Variants in CLMN observed in about 807,000 individuals in gnomAD.
CLMN encodes calmin, also known as calmin (calponin-like, transmembrane).
In CLMN, 57 loss-of-function variants were observed where a neutral mutation model predicts 92.7. The observed-to-expected ratio is 0.61, with a 90% CI of 0.50 to 0.77. The LOEUF (loss-of-function observed/expected upper bound fraction) is 0.77, where lower values mean the gene tolerates loss of function less well. CLMN is among the 30% of genes least tolerant of loss of function. The probability of loss-of-function intolerance (pLI) is 0.00; values close to 1 mark genes in which losing one functional copy is unlikely to be tolerated. For synonymous variants in CLMN, 466 were observed against 470.6 expected (o/e 0.99, Z 0.13); for missense variants, 1,158 against 1,237.5 (o/e 0.94, Z 0.96).
intron 9 of CLMN, among the ~76,000 whole-genome samples, chr14:95,197,813 A>C (rs531468680): frequency 6.6e-6 from 1 of 152,302 alleles, no homozygotes; most frequent in East Asian, 1.9e-4. Context: ...GAATAAGAGC[A>C]TTAGAGCGGC....
chr14:95,277,150 G>C (rs983362055), intron 1 of CLMN, among the ~76,000 whole-genome samples: 1 of 152,178 alleles, frequency 6.6e-6, no homozygotes, highest in Non-Finnish European at 1.5e-5. Flanking sequence ...GCAAAGTTTT[G>C]ATTAATGGGA....
chr14:95,196,365 T>C (rs1017613109), intron 10 of CLMN, 133 bp downstream of exon 10: 6 of 867,298 alleles, frequency 6.9e-6, no homozygotes, highest in African/African-American at 6.9e-5. Flanking sequence ...AGAATGAGGA[T>C]TGTGTATGAA....
At chr14:95,193,624 G>C (rs891754267) in intron 12 of CLMN, among the ~76,000 whole-genome samples, 4 of 152,146 alleles carry the variant, frequency 2.6e-5, no homozygotes. Context: ...ACTCATTTTC[G>C]GAACCGGGCC....
intron 9 of CLMN, 108 bp from the exon 10 acceptor site, chr14:95,196,802 A>G: frequency 9.7e-7 from 1 of 1,026,368 alleles, no homozygotes; most frequent in Non-Finnish European, 1.4e-6. Flanking sequence ...CGTCCCTTCC[A>G]ATTCTGCCTG....
At position 95,258,501 on chromosome 14, in the gene CLMN, A is replaced by T. The variant is rs374180045; in HGVS notation, c.83-28368T>A. ...ATATGCATCTGTGGTGTGTGTGTTG[A>T]GGGTGTGTATGTGTGGTGTGTGATG... On this transcript the variant is annotated intron_variant, in intron 1 of 12. Transcript: ENST00000298912. 5.1e-4 allele frequency among the ~76,000 whole-genome samples: 50 copies of T among 98,814 alleles called. 1 individual carries two copies. In the East Asian group the frequency reaches 5.7e-3, roughly 11 times the overall value. 64.8% of individuals were successfully genotyped at this position (98,814 alleles called of 152,430 possible).
intron 1 of CLMN, among the ~76,000 whole-genome samples, chr14:95,296,994 C>T (rs562551507): frequency 4.6e-5 from 7 of 152,218 alleles, no homozygotes; most frequent in African/African-American, 1.7e-4. Context: ...AGGAAGCAAA[C>T]GAATGCCAGC....
At chr14:95,245,218 ATATATAT>A (rs1898461513) in intron 1 of CLMN, among the ~76,000 whole-genome samples, 10 of 29,490 alleles carry the variant, frequency 3.4e-4, no homozygotes, top group African/African-American at 2.1e-3. Context: ...TTATATATAT[ATATATAT>A]TATATATATA....
At chr14:95,220,934 G>A (rs1897518404) in intron 4 of CLMN, among the ~76,000 whole-genome samples, 1 of 152,230 alleles carries the variant, frequency 6.6e-6, no homozygotes, top group South Asian at 2.1e-4. Context: ...TTCTGTCCCT[G>A]ATTCGCTGGT....
chr14:95,252,877 G>C (rs961928909), intron 1 of CLMN, among the ~76,000 whole-genome samples: 2 of 152,198 alleles, frequency 1.3e-5, no homozygotes, highest in African/African-American at 2.4e-5. Flanking sequence ...GGGGAGCTTT[G>C]CATCGGGAAC....
chr14:95,247,035 G>A (rs988454009), intron 1 of CLMN, among the ~76,000 whole-genome samples: 2 of 152,182 alleles, frequency 1.3e-5, no homozygotes, highest in African/African-American at 4.8e-5. Flanking sequence ...GTTAATGTCA[G>A]TGACATCACC....
chr14:95,281,161 A>G (rs1023348658), intron 1 of CLMN, among the ~76,000 whole-genome samples: 3 of 152,372 alleles, frequency 2.0e-5, no homozygotes, highest in African/African-American at 7.2e-5. Flanking sequence ...AATTATCTTG[A>G]GACCTTGAGA....
chr14:95,281,772 C>T (rs1900153029), intron 1 of CLMN, among the ~76,000 whole-genome samples: 1 of 152,168 alleles, frequency 6.6e-6, no homozygotes, highest in South Asian at 2.1e-4. Context: ...TTGTACTCCT[C>T]GTGTAGAAAT....
At chr14:95,305,199 A>G (rs1337395214) in intron 1 of CLMN, among the ~76,000 whole-genome samples, 1 of 152,238 alleles carries the variant, frequency 6.6e-6, no homozygotes, top group Non-Finnish European at 1.5e-5. Flanking sequence ...CATCAGTATT[A>G]TTCTTCCCAT....
At chr14:95,244,985 G>T (rs201826741) in intron 1 of CLMN, among the ~76,000 whole-genome samples, 1 of 96,178 alleles carries the variant, frequency 1.0e-5, no homozygotes, top group African/African-American at 4.2e-5. Flanking sequence ...ACATATATGT[G>T]TATACACACA....
In CLMN at chr14:95,191,638, A is replaced by G. The variant is rs754522395; in HGVS notation, c.2935T>C (p.Tyr979His). 8 of 1,613,796 alleles carry G rather than the reference A, an allele frequency of 5.0e-6. No individual in the cohort carries two copies. Among genetic ancestry groups the G allele is most frequent in the Non-Finnish European group, 6.8e-6 (8 of 1,180,004 alleles). The change falls in exon 13 of 13, where the codon TAT becomes CAT. Residue 979 changes from tyrosine (Y) to histidine (H), a missense_variant. Tyr to His is a moderately conservative substitution (Grantham distance 83, BLOSUM62 2). Transcript: ENST00000298912. This position sits in a 1 kb window ranked among gnomAD's most constrained non-coding sequence, Gnocchi z 5.3. The stretch of plus-strand genomic sequence containing the variant: ...AGGAGCCACAGGAAGAGAATAAAAT[A>G]CATCATATCCGGCTGCTGGACAAGC... ...TQLVQQPDMM[Y>H]FILFLWLLVY...
At chr14:95,276,950 T>TC (rs1436160919) in intron 1 of CLMN, among the ~76,000 whole-genome samples, 1 of 151,594 alleles carries the variant, frequency 6.6e-6, no homozygotes, top group Non-Finnish European at 1.5e-5. Context: ...AAGATGATTT[T>TC]TTTTTTTGGG....
rs1896506369 is a variant in CLMN at position 95,189,214 on chromosome 14, G to C, written c.*2350C>G. On this transcript the variant is annotated 3_prime_UTR_variant, in exon 13 of 13. Coordinates refer to ENST00000298912, the MANE Select transcript of CLMN (RefSeq NM_024734.4). ...CCTCCTCTACTGTGACAGCAAGCCA[G>C]TAGATGTTTCTAAATTAAAAAATAA... 6.6e-6 allele frequency: 1 copy of C among 152,226 alleles called. No homozygotes were observed. The highest frequency in any genetic ancestry group is 6.5e-5 in the Admixed American group (1 of 15,284). 9.4% of individuals were successfully genotyped at this position (152,226 alleles called of 1,614,324 possible).
At chr14:95,303,283 G>A (rs1015947409) in intron 1 of CLMN, among the ~76,000 whole-genome samples, 2 of 152,212 alleles carry the variant, frequency 1.3e-5, no homozygotes, top group Non-Finnish European at 2.9e-5. Context: ...TCAGCGGTGT[G>A]GCTTTTCTCT....
At chr14:95,233,012 AT>A (rs1478981154) in intron 1 of CLMN, among the ~76,000 whole-genome samples, 1 of 152,230 alleles carries the variant, frequency 6.6e-6, no homozygotes, top group African/African-American at 2.4e-5. Flanking sequence ...TGGTAGGCAC[AT>A]TAAAAATTTT....
Sources: allele counts gnomAD v4.1 joint callset (sites outside exome capture counted in the v4.1 genomes callset), GRCh38; gene constraint gnomAD v4.1.1; non-coding constraint Gnocchi (gnomAD v3.1); transcripts MANE v1.5; gene names NCBI Gene and HGNC (gene_info 2026-07-23, HGNC 2026-07-21).